OBP2B: variants seen among roughly 807,000 people sequenced by gnomAD.
OBP2B encodes odorant binding protein 2B, also known as odorant-binding protein 2b.
OBP2B carries 10 observed loss-of-function variants against 21.7 expected under a neutral mutation model. The observed-to-expected ratio is 0.46, with a 90% CI of 0.28 to 0.78. OBP2B has a LOEUF of 0.78. Among genes scored for constraint, OBP2B ranks in the 30% least tolerant of loss-of-function variants. The pLI is 0.11. For missense variants in OBP2B, 153 were observed against 217.7 expected (o/e 0.70, Z 1.87); for synonymous variants, 73 against 91.5 (o/e 0.80, Z 1.16).
upstream of OBP2B, among the ~76,000 whole-genome samples, chr9:133,210,013 G>C (rs1239427373): frequency 2.0e-5 from 3 of 152,040 alleles, no homozygotes; most frequent in Non-Finnish European, 2.9e-5. Flanking sequence ...CCCCTCTCTC[G>C]TCAGCTTTGA....
At chr9:133,212,479 C>T (rs1260279223), upstream of OBP2B, among the ~76,000 whole-genome samples, 8 of 152,288 alleles carry the variant, frequency 5.3e-5, no homozygotes, top group Middle Eastern at 3.4e-3. Context: ...AGAGGGTAGT[C>T]TCTGACCACA....
At chr9:133,217,439 G>A in the OBP2B span, among the ~76,000 whole-genome samples, 9 of 152,302 alleles carry the variant, frequency 5.9e-5, no homozygotes, top group East Asian at 3.9e-4. Flanking sequence ...AGGGAGAAGC[G>A]CCTCCTAGCA....
At chr9:133,209,466 C>G (rs557425586), upstream of OBP2B, among the ~76,000 whole-genome samples, 2 of 152,136 alleles carry the variant, frequency 1.3e-5, no homozygotes, top group Non-Finnish European at 2.9e-5. This position sits in a 1 kb window ranked among gnomAD's most constrained non-coding sequence, Gnocchi z 6.0. Context: ...CCGAACGCGC[C>G]CACTCAGATG....
the OBP2B span, among the ~76,000 whole-genome samples, chr9:133,217,944 G>T: frequency 6.6e-6 from 1 of 152,232 alleles, no homozygotes; most frequent in African/African-American, 2.4e-5. Context: ...CATTGTGCAA[G>T]CAATCCCTGT....
chr9:133,208,232 G>A, intron 2 of OBP2B, 29 bp from the exon 3 acceptor site: 1 of 1,611,290 alleles, frequency 6.2e-7, no homozygotes, highest in South Asian at 1.1e-5. Context: ...GCGGGCAGCG[G>A]CTCCCAGGAC....
the OBP2B span, among the ~76,000 whole-genome samples, chr9:133,214,992 T>C: frequency 5.3e-5 from 8 of 152,198 alleles, no homozygotes; most frequent in African/African-American, 1.9e-4. Flanking sequence ...GCAGATGACA[T>C]GATTGTCTCT....
intron 4 of OBP2B, 99 bp from the exon 5 acceptor site, chr9:133,206,515 C>G: frequency 2.0e-6 from 3 of 1,504,264 alleles, no homozygotes; most frequent in Non-Finnish European, 2.7e-6. Flanking sequence ...AGCACCAGGA[C>G]AGGGGGAGAG....
intron 1 of OBP2B, 98 bp from the exon 2 acceptor site, chr9:133,208,700 C>G (rs1384263775): frequency 6.6e-6 from 10 of 1,525,100 alleles, no homozygotes; most frequent in Non-Finnish European, 8.8e-6. Context: ...ACCCATGGTG[C>G]CCGGCTGCTG....
rs1432593292 is a variant in OBP2B at position 133,207,839 on chromosome 9, C to A, written c.277+294G>T. On this transcript the variant is annotated intron_variant, in intron 3 of 6. Transcript: ENST00000372034. Reference sequence around the variant, plus strand: ...ATCCCTAACCCTCAGCCTCCCCGTACCTAATCCTTGGCCTCCTTGTCCCAA... The same window carrying A: ...ATCCCTAACCCTCAGCCTCCCCGTAACTAATCCTTGGCCTCCTTGTCCCAA... 7.4e-6 allele frequency: 11 copies of A among 1,494,122 alleles called. No individual in the cohort carries two copies. The East Asian group carries it at 2.4e-4, about 33-fold the overall frequency. The allele number at this position is 1,494,122 out of a possible 1,614,324, so 92.6% of individuals were successfully genotyped here. A position where few individuals can be genotyped will look rare whatever the true frequency, so the allele number is the denominator to read the frequency against.
At chr9:133,208,091 G>A in intron 3 of OBP2B, 42 bp downstream of exon 3, 1 of 1,536,862 alleles carries the variant, frequency 6.5e-7, no homozygotes, top group Non-Finnish European at 8.8e-7. Context: ...ACTGGGGTTG[G>A]CGGTGGGGGA....
chr9:133,216,976 T>TA, the OBP2B span, among the ~76,000 whole-genome samples: 2,832 of 142,778 alleles, frequency 0.02, 35 homozygotes, highest in Middle Eastern at 0.037. Context: ...CATAAATGCT[T>TA]AAAAAAAAAA....
intron 6 of OBP2B, 173 bp downstream of exon 6, chr9:133,205,744 C>G: frequency 1.1e-6 from 1 of 942,194 alleles, no homozygotes; most frequent in Non-Finnish European, 1.6e-6. Context: ...AAAGGACTTC[C>G]CGAATGTCCC....
rs540662821 is a variant in OBP2B at position 133,207,336 on chromosome 9, T to A, written c.278A>T (p.Tyr93Phe). ...CAGGTACATGAGCTTCCTGCCCCCATCTGTAGATGACAGAGAAAATGGGTC... is the reference window on the plus strand; with the variant it reads ...CAGGTACATGAGCTTCCTGCCCCCAACTGTAGATGACAGAGAAAATGGGTC... ...KTEEPGKYSA[Y>F]GGRKLMYLQE... The change falls in exon 4 of 7, where the codon TAT (tyrosine) becomes TTT (phenylalanine). Residue 93 changes from tyrosine to phenylalanine, a missense_variant and splice_region_variant. By Grantham distance (22) the Tyr-to-Phe change is conservative. Coordinates refer to ENST00000372034, the MANE Select transcript of OBP2B (RefSeq NM_014581.4). 6.3e-7 allele frequency: 1 copy of A among 1,599,324 alleles called. No homozygotes were observed. Among genetic ancestry groups the A allele is most frequent in the Admixed American group, 1.7e-5 (1 of 59,858 alleles).
At chr9:133,206,270 A>G in intron 5 of OBP2B, 45 bp downstream of exon 5, 1 of 1,576,368 alleles carries the variant, frequency 6.3e-7, no homozygotes, top group Non-Finnish European at 8.7e-7. Context: ...GATAGCAGAC[A>G]GACACAGCAG....
chr9:133,206,583 C>A, intron 4 of OBP2B, 167 bp from the exon 5 acceptor site: 4 of 803,788 alleles, frequency 5.0e-6, no homozygotes, highest in Non-Finnish European at 7.9e-6. Flanking sequence ...ATGGCCACTG[C>A]CCAGCACCAG....
chr9:133,219,615 C>T, the OBP2B span, among the ~76,000 whole-genome samples: 1 of 152,190 alleles, frequency 6.6e-6, no homozygotes, highest in African/African-American at 2.4e-5. Context: ...CAGATAATAA[C>T]AAGGGTTGGC....
rs1180342509 is a variant in OBP2B, at chr9:133,205,337, G to A, written c.*76C>T. The A allele has an allele frequency of 2.0e-5, 31 of 1,529,946 alleles. No individual in the cohort carries two copies. The highest frequency in any genetic ancestry group is 2.5e-5 in the Non-Finnish European group (28 of 1,130,602). 94.8% of individuals were successfully genotyped at this position (1,529,946 alleles called of 1,614,324 possible). A position where few individuals can be genotyped will look rare whatever the true frequency, so the allele number is the denominator to read the frequency against. On this transcript the variant is annotated 3_prime_UTR_variant, in exon 7 of 7. Coordinates refer to ENST00000372034, the MANE Select transcript of OBP2B (RefSeq NM_014581.4). The stretch of plus-strand genomic sequence containing the variant: ...GTGGGAGCAGGGAAGGGTCATGGCT[G>A]GAGGGTAGGTCCAGGTGGTCCAGGC...
At chr9:133,218,086 A>G in the OBP2B span, among the ~76,000 whole-genome samples, 20 of 152,352 alleles carry the variant, frequency 1.3e-4, no homozygotes, top group Admixed American at 1.3e-3. Context: ...TTGTCCTTTA[A>G]ATGAATTGAT....
upstream of OBP2B, among the ~76,000 whole-genome samples, chr9:133,211,801 C>A (rs1305719101): frequency 6.6e-6 from 1 of 152,138 alleles, no homozygotes; most frequent in Non-Finnish European, 1.5e-5. Flanking sequence ...TTCTAAGCCA[C>A]CCAGTTGGTA....
Sources: allele counts gnomAD v4.1 joint callset (sites outside exome capture counted in the v4.1 genomes callset), GRCh38; gene constraint gnomAD v4.1.1; non-coding constraint Gnocchi (gnomAD v3.1); transcripts MANE v1.5; gene names NCBI Gene and HGNC (gene_info 2026-07-23, HGNC 2026-07-21).